Variants in RGS10 observed in about 807,000 individuals in gnomAD.
The protein encoded by RGS10 is regulator of G protein signaling 10.
RGS10 carries 11 observed loss-of-function variants against 23.5 expected under a neutral mutation model. That is an observed-to-expected ratio of 0.47 (90% CI 0.29 to 0.77). The LOEUF is 0.77. Ranked by LOEUF, RGS10 falls within the 30% of genes least tolerant of loss-of-function variation. The pLI is 0.08. For missense variants in RGS10, 180 were observed against 226.3 expected (o/e 0.80, Z 1.31); for synonymous variants, 77 against 83.2 (o/e 0.92, Z 0.41).
intron 1 of RGS10, among the ~76,000 whole-genome samples, chr10:119,535,271 G>GAAAAAA (rs34636046): frequency 8.2e-6 from 1 of 122,372 alleles, no homozygotes. Flanking sequence ...AATCCATGCA[G>GAAAAAA]AAAAAAAAAA....
At chr10:119,518,343 C>G (rs1844169945) in intron 3 of RGS10, among the ~76,000 whole-genome samples, 1 of 152,190 alleles carries the variant, frequency 6.6e-6, no homozygotes, top group Non-Finnish European at 1.5e-5. Context: ...GGCCCATCAA[C>G]TCGGGGACTG....
chr10:119,511,429 G>A (rs1014914555), intron 4 of RGS10, among the ~76,000 whole-genome samples: 12 of 152,102 alleles, frequency 7.9e-5, no homozygotes, highest in African/African-American at 2.9e-4. Flanking sequence ...GACCAACCTG[G>A]ACAACATGGA....
chr10:119,522,075 C>T (rs1844224885), intron 3 of RGS10, among the ~76,000 whole-genome samples: 1 of 152,182 alleles, frequency 6.6e-6, no homozygotes, highest in African/African-American at 2.4e-5. Context: ...GGAATGCCTT[C>T]ATCCTACAAA....
At chr10:119,522,579 A>G (rs1057270204) in intron 3 of RGS10, among the ~76,000 whole-genome samples, 28 of 152,160 alleles carry the variant, frequency 1.8e-4, no homozygotes, top group Admixed American at 1.8e-3. Context: ...TTAGCTGGGC[A>G]TGGTGGCACA....
At chr10:119,539,779 G>A (rs1175650332) in intron 1 of RGS10, among the ~76,000 whole-genome samples, 1 of 152,184 alleles carries the variant, frequency 6.6e-6, no homozygotes, top group Non-Finnish European at 1.5e-5. Flanking sequence ...TCCGCGGAAA[G>A]ACAGTGTCTC....
intron 1 of RGS10, among the ~76,000 whole-genome samples, chr10:119,532,789 C>T (rs937988631): frequency 6.6e-6 from 1 of 151,194 alleles, no homozygotes; most frequent in African/African-American, 2.4e-5. Context: ...TGCAGTGAGC[C>T]GAGATGGCAC....
intron 1 of RGS10, among the ~76,000 whole-genome samples, chr10:119,532,711 C>T (rs914094556): frequency 2.6e-5 from 4 of 152,012 alleles, no homozygotes; most frequent in Admixed American, 1.3e-4. Context: ...AGTGGTGGTG[C>T]GCACCTGTAA....
chr10:119,523,426 A>AG (rs1275393178), intron 3 of RGS10, among the ~76,000 whole-genome samples: 1 of 152,212 alleles, frequency 6.6e-6, no homozygotes, highest in Non-Finnish European at 1.5e-5. Flanking sequence ...GCACTTTGGA[A>AG]GGCCAAGACA....
chr10:119,506,762 G>A (rs1013405912), intron 4 of RGS10, among the ~76,000 whole-genome samples: 4 of 152,082 alleles, frequency 2.6e-5, no homozygotes, highest in Admixed American at 6.5e-5. Flanking sequence ...GTGCAGCGGC[G>A]CGATCTCAGC....
chr10:119,534,296 TAAATAAATAAAA>T (rs1314064016), intron 1 of RGS10, among the ~76,000 whole-genome samples: 1 of 97,046 alleles, frequency 1.0e-5, no homozygotes, highest in African/African-American at 2.9e-5. Context: ...AATAAATAAA[TAAATAAATAAAA>T]AAGGCCAGGC....
At chr10:119,520,317 C>T (rs1009502927) in intron 3 of RGS10, among the ~76,000 whole-genome samples, 5 of 152,178 alleles carry the variant, frequency 3.3e-5, no homozygotes, top group Non-Finnish European at 5.9e-5. Flanking sequence ...AAGAATGAAG[C>T]CAAGCCCCTG....
intron 3 of RGS10, among the ~76,000 whole-genome samples, chr10:119,519,520 C>T (rs1314317807): frequency 2.6e-5 from 3 of 115,822 alleles, no homozygotes; most frequent in South Asian, 3.2e-4. Flanking sequence ...CCTGTCTGTC[C>T]CCCAGCTCCT....
intron 3 of RGS10, among the ~76,000 whole-genome samples, chr10:119,518,702 CCCAATCCCT>C (rs1403889691): frequency 2.3e-5 from 3 of 133,300 alleles, no homozygotes; most frequent in Admixed American, 7.7e-5. Flanking sequence ...CCTCACCACC[CCCAATCCCT>C]CTTTTTTTTT....
In RGS10 at chr10:119,527,433, C is replaced by T; in HGVS notation, c.50-9G>A. On this transcript the variant is annotated splice_polypyrimidine_tract_variant and intron_variant, in intron 1 of 4. Coordinates refer to ENST00000369103, the MANE Select transcript of RGS10 (RefSeq NM_001005339.2). The surrounding 1 kb of genome is among the most constrained non-coding windows in gnomAD (Gnocchi z 4.2). ...ATCGCTGTCGTGGATGTCTGCAAAG[C>T]AAAGTTCAGACTGCATATGTGGCCA... 1 of 1,609,400 alleles carries T rather than the reference C, an allele frequency of 6.2e-7. No homozygotes were observed. Among genetic ancestry groups the T allele is most frequent in the Non-Finnish European group, 8.5e-7 (1 of 1,175,704 alleles).
At position 119,527,522 on chromosome 10, in the gene RGS10, G is replaced by C; in HGVS notation, c.50-98C>G. On this transcript the variant is annotated intron_variant, in intron 1 of 4. Transcript: ENST00000369103. This position sits in a 1 kb window ranked among gnomAD's most constrained non-coding sequence, Gnocchi z 4.2. ...CAGCACTGCCGTCACCATCACGGCT[G>C]ACATACACCGACTTATGCGTCAGGC... 1 of 853,314 alleles carries C rather than the reference G, an allele frequency of 1.2e-6. No homozygotes were observed. The highest frequency in any genetic ancestry group is 1.6e-5 in the African/African-American group (1 of 60,718). The allele number at this position is 853,314 out of a possible 1,614,324, so 52.9% of individuals were successfully genotyped here. A position where few individuals can be genotyped will look rare whatever the true frequency, so the allele number is the denominator to read the frequency against.
At chr10:119,522,834 C>T (rs931183727) in intron 3 of RGS10, among the ~76,000 whole-genome samples, 6 of 151,348 alleles carry the variant, frequency 4.0e-5, no homozygotes, top group African/African-American at 1.5e-4. Flanking sequence ...TCCTAGGCAG[C>T]GGGACTCACT....
intron 1 of RGS10, among the ~76,000 whole-genome samples, chr10:119,533,895 C>A (rs1844357196): frequency 6.6e-6 from 1 of 152,048 alleles, no homozygotes; most frequent in African/African-American, 2.4e-5. Context: ...TTTTTGCATG[C>A]AAAATACGTA....
Position 119,517,185 on chromosome 10 carries a change from A to G in RGS10, c.256-1533T>C, listed in dbSNP as rs1844153730. ...AGGAAGGGTAGCCCTTTTTTAGTTC[A>G]GGGCACTGGGGACAAAAGATCCTGA... is the stretch of plus-strand genomic sequence containing the variant. On this transcript the variant is annotated intron_variant, in intron 3 of 4. Coordinates refer to ENST00000369103, the MANE Select transcript of RGS10 (RefSeq NM_001005339.2). This position sits in a 1 kb window ranked among gnomAD's most constrained non-coding sequence, Gnocchi z 5.0. 6.6e-6 allele frequency among the ~76,000 whole-genome samples: 1 copy of G among 152,222 alleles called. No individual in the cohort carries two copies. The highest frequency in any genetic ancestry group is 2.4e-5 in the African/African-American group (1 of 41,452).
Position 119,540,765 on chromosome 10 carries a change from G to A in RGS10, c.49+1825C>T, listed in dbSNP as rs191662360. On this transcript the variant is annotated intron_variant, in intron 1 of 4. Coordinates refer to ENST00000369103, the MANE Select transcript of RGS10 (RefSeq NM_001005339.2). Reference sequence around the variant, plus strand: ...AGCAATCTAAAGTAATAAGTAACGCGTACAGGGCTATTCATAGCAGCTCTA... The same window carrying A: ...AGCAATCTAAAGTAATAAGTAACGCATACAGGGCTATTCATAGCAGCTCTA... 1.9e-3 allele frequency among the ~76,000 whole-genome samples: 283 copies of A among 152,280 alleles called. No individual in the cohort carries two copies. In the Middle Eastern group the frequency reaches 0.027, roughly 15 times the overall value.
Sources: gnomAD v4.1 joint callset for allele counts (sites outside exome capture counted in the v4.1 genomes callset) on GRCh38, gnomAD v4.1.1 for gene constraint, Gnocchi (gnomAD v3.1) non-coding constraint, MANE v1.5 for transcripts, NCBI Gene and HGNC (gene_info 2026-07-23, HGNC 2026-07-21) for gene names.